Variants in RPGRIP1L observed in about 807,000 individuals in gnomAD.
RPGRIP1L encodes protein fantom.
In RPGRIP1L, 131 loss-of-function variants were observed where a neutral mutation model predicts 160.4. The observed-to-expected ratio is 0.82, with a 90% CI of 0.71 to 0.94. The LOEUF is 0.94. RPGRIP1L is among the 40% of genes least tolerant of loss of function. The pLI is 0.00. For synonymous variants in RPGRIP1L, 510 were observed against 515.8 expected, an observed-to-expected ratio of 0.99 and a Z score of 0.15; for missense variants, 1,522 against 1,535.8, an observed-to-expected ratio of 0.99 and a Z score of 0.15.
chr16:53,656,408 T>C, intron 14 of RPGRIP1L, 64 bp downstream of exon 14: 2 of 1,031,052 alleles, frequency 1.9e-6, no homozygotes, highest in Non-Finnish European at 3.1e-6. Flanking sequence ...TTGGATGACA[T>C]TATCAACTGT....
chr16:53,664,696 G>A (rs578180841), intron 10 of RPGRIP1L, among the ~76,000 whole-genome samples, 174 bp downstream of exon 10: 3 of 152,270 alleles, frequency 2.0e-5, no homozygotes, highest in African/African-American at 7.2e-5. Context: ...ACACTAAGCT[G>A]AGTATGAGAA....
At chr16:53,624,735 A>G (rs1482962321) in intron 22 of RPGRIP1L, among the ~76,000 whole-genome samples, 1 of 151,958 alleles carries the variant, frequency 6.6e-6, no homozygotes, top group Non-Finnish European at 1.5e-5. Flanking sequence ...ATTTTTCATC[A>G]TAAGAAAATG....
intron 23 of RPGRIP1L, among the ~76,000 whole-genome samples, chr16:53,621,454 T>C (rs946179954): frequency 1.3e-5 from 2 of 150,848 alleles, no homozygotes; most frequent in Non-Finnish European, 3.0e-5. Flanking sequence ...TTTTTGGATC[T>C]CTACACTACT....
chr16:53,639,379 G>A (rs182726387), intron 19 of RPGRIP1L, among the ~76,000 whole-genome samples: 15 of 151,886 alleles, frequency 9.9e-5, no homozygotes, highest in Admixed American at 3.3e-4. Context: ...AATATATCCT[G>A]TTGCATTTAA....
chr16:53,658,488 C>A (rs377142395), intron 11 of RPGRIP1L, 24 bp from the exon 12 acceptor site: 3 of 1,563,794 alleles, frequency 1.9e-6, no homozygotes, highest in Non-Finnish European at 2.6e-6. Context: ...AGTAAAAGCT[C>A]ACAATGAGTT....
chr16:53,645,842 A>G lies in RPGRIP1L; in HGVS notation c.2466T>C (p.Phe822=). 6.2e-7 allele frequency: 1 copy of G among 1,614,162 alleles called. No homozygotes were observed. Among genetic ancestry groups the G allele is most frequent in the African/African-American group, 1.3e-5 (1 of 75,044 alleles). The change falls in exon 17 of 27, where the codon TTT becomes TTC. Residue 822 remains phenylalanine (F), a synonymous_variant. Coordinates refer to ENST00000647211, the MANE Select transcript of RPGRIP1L (RefSeq NM_015272.5). The part of the protein sequence containing the change: ...HPYVVYKFFD[F]ADHDTAIIPS... ...GAATGATAGCTGTATCATGGTCTGCAAAATCAAAAAACTTGTACACAACAT... is the reference window on the plus strand; with the variant it reads ...GAATGATAGCTGTATCATGGTCTGCGAAATCAAAAAACTTGTACACAACAT...
Position 53,674,402 on chromosome 16 carries a change from G to A in RPGRIP1L, c.882+615C>T, listed in dbSNP as rs114706937. Among the ~76,000 whole-genome samples, 716 of 152,172 alleles carry A rather than the reference G, an allele frequency of 4.7e-3. 5 individuals carry two copies. Among genetic ancestry groups the A allele is most frequent in the African/African-American group, 0.016 (669 of 41,546 alleles). The stretch of plus-strand genomic sequence containing the variant: ...GCCAACAAATAGAAGCCCTCAGATG[G>A]CATATTCCTGTGGGGTCACAGTCCT... On this transcript the variant is annotated intron_variant, in intron 7 of 26. Coordinates refer to ENST00000647211, the MANE Select transcript of RPGRIP1L (RefSeq NM_015272.5).
chr16:53,703,365 T>A (rs527298609), intron 1 of RPGRIP1L: 1 of 152,248 alleles, frequency 6.6e-6, no homozygotes, highest in African/African-American at 2.4e-5. Context: ...CCCGCCTTTA[T>A]GAAGCTAGCA....
chr16:53,625,387 C>T (rs1598262565), intron 22 of RPGRIP1L, among the ~76,000 whole-genome samples: 1 of 138,356 alleles, frequency 7.2e-6, no homozygotes, highest in Non-Finnish European at 1.6e-5. Flanking sequence ...CGTCTGGGAA[C>T]TGGGGGGGGC....
In RPGRIP1L at chr16:53,696,228, T is replaced by C. The variant is rs1970746720; in HGVS notation, c.153A>G (p.Glu51=). The change falls in exon 3 of 27, where the codon GAA becomes GAG. Residue 51 remains glutamate (E), a synonymous_variant. Coordinates refer to ENST00000647211, the MANE Select transcript of RPGRIP1L (RefSeq NM_015272.5). ...AVSRVSREEL[E]DRFLRLHDEN... ...CATCATGCAAACGCAAAAATCTGTC[T>C]TCCAGTTCCTCACGACTGACACGTG... 1 of 1,614,078 alleles carries C rather than the reference T, an allele frequency of 6.2e-7. No individual in the cohort carries two copies. Among genetic ancestry groups the C allele is most frequent in the South Asian group, 1.1e-5 (1 of 91,080 alleles).
intron 6 of RPGRIP1L, among the ~76,000 whole-genome samples, chr16:53,676,477 T>G (rs1969181772): frequency 6.6e-6 from 1 of 152,060 alleles, no homozygotes; most frequent in Non-Finnish European, 1.5e-5. Flanking sequence ...AAAATATAAT[T>G]TACTTATTTG....
chr16:53,607,239 T>C (rs1033493574), intron 25 of RPGRIP1L, among the ~76,000 whole-genome samples: 6 of 152,186 alleles, frequency 3.9e-5, no homozygotes, highest in Non-Finnish European at 7.4e-5. Context: ...ATGATACAAG[T>C]GAACAGTTGC....
intron 23 of RPGRIP1L, 78 bp from the exon 24 acceptor site, chr16:53,619,286 T>C: frequency 7.4e-7 from 1 of 1,360,400 alleles, no homozygotes; most frequent in Non-Finnish European, 1.0e-6. Context: ...CTTTCCACTA[T>C]CAATTTTAAA....
Position 53,700,743 on chromosome 16 carries a change from G to T in RPGRIP1L, c.-7-13C>A. 6.3e-7 allele frequency: 1 copy of T among 1,596,288 alleles called. No individual in the cohort carries two copies. The highest frequency in any genetic ancestry group is 8.6e-7 in the Non-Finnish European group (1 of 1,166,022). ...AGACATGGCCTAGCTGTGGAAAAAAGAAAATTCAAATAAACTCTTTCCAAA... is the reference window on the plus strand; with the variant it reads ...AGACATGGCCTAGCTGTGGAAAAAATAAAATTCAAATAAACTCTTTCCAAA... On this transcript the variant is annotated splice_polypyrimidine_tract_variant and intron_variant, in intron 1 of 26. Transcript: ENST00000647211.
chr16:53,612,612 ATCT>A, intron 24 of RPGRIP1L, among the ~76,000 whole-genome samples: 1 of 151,704 alleles, frequency 6.6e-6, no homozygotes, highest in South Asian at 2.1e-4. Flanking sequence ...GACAAGGGTA[ATCT>A]CAGTGGTTAA....
intron 22 of RPGRIP1L, among the ~76,000 whole-genome samples, chr16:53,633,377 C>T (rs771803709): frequency 1.3e-5 from 2 of 152,140 alleles, no homozygotes; most frequent in African/African-American, 4.8e-5. Flanking sequence ...TGAGGAAACA[C>T]CAGACAAATC....
intron 14 of RPGRIP1L, among the ~76,000 whole-genome samples, chr16:53,654,530 C>G (rs1967087464): frequency 6.6e-6 from 1 of 152,182 alleles, no homozygotes; most frequent in Non-Finnish European, 1.5e-5. Flanking sequence ...TAGGCATTCT[C>G]TCCTCAATGT....
rs1395626107 is a variant in RPGRIP1L, at chr16:53,622,739, A to T, written c.3295-383T>A. On this transcript the variant is annotated intron_variant, in intron 22 of 26. Transcript: ENST00000647211. Reference sequence around the variant, plus strand: ...AGGAGCCCAAGAGCCCAGGAGTTGGAGACCAGCCTGAGCAACATGGTGAAA... The same window carrying T: ...AGGAGCCCAAGAGCCCAGGAGTTGGTGACCAGCCTGAGCAACATGGTGAAA... Among the ~76,000 whole-genome samples, 5 of 151,984 alleles carry T rather than the reference A, an allele frequency of 3.3e-5. No homozygotes were observed. In the East Asian group the frequency reaches 9.7e-4, roughly 29 times the overall value.
At chr16:53,637,916 T>C (rs943730644) in intron 20 of RPGRIP1L, 62 bp from the exon 21 acceptor site, 3 of 1,497,854 alleles carry the variant, frequency 2.0e-6, no homozygotes, top group Middle Eastern at 1.7e-4. Flanking sequence ...TATAGCATTA[T>C]TGCTGGAACA....
Sources: gnomAD v4.1 joint callset for allele counts (sites outside exome capture counted in the v4.1 genomes callset) on GRCh38, gnomAD v4.1.1 for gene constraint, MANE v1.5 for transcripts, NCBI Gene and HGNC (gene_info 2026-07-23, HGNC 2026-07-21) for gene names.